The following PIBF1 variants were observed in gnomAD, a reference collection of about 807,000 sequenced individuals.
The protein encoded by PIBF1 is progesterone immunomodulatory binding factor 1, also known as progesterone-induced-blocking factor 1.
A neutral mutation model predicts 112.5 loss-of-function variants in PIBF1; 90 were observed. That is an observed-to-expected ratio of 0.80 (90% CI 0.67 to 0.95). The LOEUF (loss-of-function observed/expected upper bound fraction) is 0.95, where lower values mean the gene tolerates loss of function less well. PIBF1 is among the 40% of genes least tolerant of loss of function. PIBF1 has a pLI of 0.00. For synonymous variants in PIBF1, 301 were observed against 288.6 expected, an observed-to-expected ratio of 1.04 and a Z score of -0.44; for missense variants, 915 against 852.3, an observed-to-expected ratio of 1.07 and a Z score of -0.92.
chr13:72,913,833 A>G (rs533035761), intron 12 of PIBF1, among the ~76,000 whole-genome samples: 2 of 152,274 alleles, frequency 1.3e-5, no homozygotes, highest in African/African-American at 4.8e-5. Flanking sequence ...GTCCACATGT[A>G]TAAATATTTT....
chr13:72,876,747 G>C (rs1040551331), intron 10 of PIBF1, among the ~76,000 whole-genome samples: 1 of 152,110 alleles, frequency 6.6e-6, no homozygotes, highest in African/African-American at 2.4e-5. Flanking sequence ...ATACAGGAAA[G>C]TGATTGGCCT....
chr13:72,844,758 C>CGGATGA (rs1555296165), intron 9 of PIBF1, among the ~76,000 whole-genome samples: 1 of 125,736 alleles, frequency 8.0e-6, no homozygotes, highest in African/African-American at 3.2e-5. Flanking sequence ...CACACACACA[C>CGGATGA]ACACACACAC....
At chr13:72,814,333 G>A (rs1365267233) in intron 5 of PIBF1, among the ~76,000 whole-genome samples, 1 of 151,652 alleles carries the variant, frequency 6.6e-6, no homozygotes, top group Non-Finnish European at 1.5e-5. Context: ...CTACTCAGGA[G>A]GCTGAGGCAG....
intron 10 of PIBF1, among the ~76,000 whole-genome samples, chr13:72,867,222 GCTCT>G: frequency 6.6e-6 from 1 of 151,998 alleles, no homozygotes; most frequent in Non-Finnish European, 1.5e-5. Context: ...CCCTGCACAA[GCTCT>G]CTCTCTTTGT....
At chr13:72,893,689 A>T in intron 10 of PIBF1, 95 bp from the exon 11 acceptor site, 1 of 642,608 alleles carries the variant, frequency 1.6e-6, no homozygotes, top group Non-Finnish European at 2.4e-6. Flanking sequence ...CTCCACAAAT[A>T]TGGGGGAGTA....
intron 10 of PIBF1, among the ~76,000 whole-genome samples, chr13:72,879,270 G>T (rs1016505331): frequency 6.6e-6 from 1 of 152,082 alleles, no homozygotes; most frequent in East Asian, 1.9e-4. Context: ...CTTCAAAAAG[G>T]AAAGTTTGCA....
At chr13:72,960,242 T>G (rs1481820037) in intron 14 of PIBF1, among the ~76,000 whole-genome samples, 1 of 152,166 alleles carries the variant, frequency 6.6e-6, no homozygotes, top group African/African-American at 2.4e-5. Flanking sequence ...CCCTTAACTT[T>G]GTTTATAATA....
chr13:72,797,235 A>T (rs1315477122), intron 4 of PIBF1, among the ~76,000 whole-genome samples: 1 of 152,126 alleles, frequency 6.6e-6, no homozygotes, highest in Non-Finnish European at 1.5e-5. Flanking sequence ...TAAAGAATAC[A>T]CTTTACCTCT....
chr13:72,845,176 T>C (rs1288829189), intron 9 of PIBF1, among the ~76,000 whole-genome samples: 1 of 151,716 alleles, frequency 6.6e-6, no homozygotes, highest in Non-Finnish European at 1.5e-5. Flanking sequence ...TGTGTGTTGT[T>C]CCCCTCCCTG....
intron 9 of PIBF1, among the ~76,000 whole-genome samples, chr13:72,849,148 T>C (rs186631063): frequency 3.3e-5 from 5 of 152,320 alleles, no homozygotes; most frequent in Admixed American, 1.3e-4. Context: ...AAAATACATA[T>C]GTGTATATGG....
intron 11 of PIBF1, among the ~76,000 whole-genome samples, chr13:72,907,470 A>G (rs913282623): frequency 4.6e-5 from 7 of 152,138 alleles, no homozygotes; most frequent in African/African-American, 1.7e-4. Flanking sequence ...GAATTGTCAT[A>G]TAGTTATATT....
At chr13:72,901,349 A>T (rs947367514) in intron 11 of PIBF1, among the ~76,000 whole-genome samples, 1 of 152,176 alleles carries the variant, frequency 6.6e-6, no homozygotes, top group South Asian at 2.1e-4. Flanking sequence ...CAAAACCACG[A>T]TACAGTACCC....
At chr13:72,987,307 CTTTT>C (rs11397801) in intron 16 of PIBF1, among the ~76,000 whole-genome samples, 1 of 144,658 alleles carries the variant, frequency 6.9e-6, no homozygotes, top group African/African-American at 2.5e-5. Flanking sequence ...TGTTGTTCTA[CTTTT>C]TTTTTTTTTT....
intron 17 of PIBF1, among the ~76,000 whole-genome samples, chr13:73,004,301 G>A (rs564399573): frequency 8.0e-4 from 121 of 151,958 alleles, no homozygotes; most frequent in African/African-American, 2.8e-3. Context: ...GACCATCCTG[G>A]CCAACATGGT....
At chr13:73,005,681 A>G (rs1477194254) in intron 17 of PIBF1, among the ~76,000 whole-genome samples, 5 of 152,150 alleles carry the variant, frequency 3.3e-5, no homozygotes, top group Admixed American at 6.5e-5. Flanking sequence ...GACAAGTGAC[A>G]AGGATGCCAC....
chr13:72,990,823 G>T (rs943003068), intron 16 of PIBF1, among the ~76,000 whole-genome samples: 6 of 152,214 alleles, frequency 3.9e-5, no homozygotes, highest in Non-Finnish European at 5.9e-5. Flanking sequence ...ACTCCAGCCT[G>T]AGTGACAGAG....
At position 73,016,394 on chromosome 13, in the gene PIBF1, A is replaced by G. The variant is rs1210714056; in HGVS notation, c.*475A>G. 6.6e-6 allele frequency: 1 copy of G among 152,052 alleles called. No homozygotes were observed. The highest frequency in any genetic ancestry group is 2.1e-4 in the South Asian group (1 of 4,836). The allele number at this position is 152,052 out of a possible 1,614,324, so 9.4% of individuals were successfully genotyped here. A position where few individuals can be genotyped will look rare whatever the true frequency, so the allele number is the denominator to read the frequency against. The stretch of plus-strand genomic sequence containing the variant: ...ACTCTTTTGAAGTTGTTTTTTTCTT[A>G]TATTTTATATTACCATTAACCAATA... On this transcript the variant is annotated 3_prime_UTR_variant, in exon 18 of 18. Coordinates refer to ENST00000326291, the MANE Select transcript of PIBF1 (RefSeq NM_006346.4).
At chr13:72,914,221 G>T (rs1468445452) in intron 12 of PIBF1, among the ~76,000 whole-genome samples, 2 of 152,052 alleles carry the variant, frequency 1.3e-5, no homozygotes, top group Non-Finnish European at 2.9e-5. Flanking sequence ...ATTTATTAAG[G>T]TGTAACCATA....
chr13:72,840,524 C>CTTT (rs575826319), intron 9 of PIBF1, among the ~76,000 whole-genome samples: 6 of 136,158 alleles, frequency 4.4e-5, no homozygotes, highest in African/African-American at 8.1e-5. Flanking sequence ...CCCCAATAAA[C>CTTT]TTTTTTTTTT....
Sources: gnomAD v4.1 joint callset for allele counts (sites outside exome capture counted in the v4.1 genomes callset) on GRCh38, gnomAD v4.1.1 for gene constraint, MANE v1.5 for transcripts, NCBI Gene and HGNC (gene_info 2026-07-23, HGNC 2026-07-21) for gene names.